Variants in NEK11 observed in about 807,000 individuals in gnomAD.
NEK11 encodes serine/threonine-protein kinase Nek11.
A neutral mutation model predicts 80.7 loss-of-function variants in NEK11; 72 were observed. The ratio of observed to expected loss-of-function variants is 0.89; its 90% confidence interval spans 0.74 to 1.08. NEK11 has a LOEUF of 1.08. Ranked by LOEUF, NEK11 falls within the 50% of genes least tolerant of loss-of-function variation. NEK11 has a pLI of 0.00. For synonymous variants in NEK11, 251 were observed against 260.7 expected (o/e 0.96, Z 0.36); for missense variants, 764 against 763.6 (o/e 1.00, Z -0.01).
At chr3:131,128,773 G>A (rs2149541617) in intron 5 of NEK11, among the ~76,000 whole-genome samples, 1 of 152,300 alleles carries the variant, frequency 6.6e-6, no homozygotes, top group East Asian at 1.9e-4. Flanking sequence ...ATTCCCACTA[G>A]CAGCGAATGA....
chr3:131,280,340 T>C (rs2096375806), intron 17 of NEK11, among the ~76,000 whole-genome samples: 1 of 152,180 alleles, frequency 6.6e-6, no homozygotes, highest in South Asian at 2.1e-4. Flanking sequence ...CTATTTGAAG[T>C]TGTCCCACAG....
At chr3:131,178,737 G>A (rs769381225) in intron 14 of NEK11, among the ~76,000 whole-genome samples, 3 of 152,154 alleles carry the variant, frequency 2.0e-5, no homozygotes, top group Non-Finnish European at 4.4e-5. Context: ...TAGTAAATAT[G>A]TAAAGTAGTA....
At chr3:131,071,552 T>C (rs879851607) in intron 3 of NEK11, among the ~76,000 whole-genome samples, 2 of 152,032 alleles carry the variant, frequency 1.3e-5, no homozygotes, top group Non-Finnish European at 2.9e-5. Context: ...GGAAGAAGGA[T>C]AACACTGGTG....
chr3:131,211,707 T>C (rs1048442344), intron 14 of NEK11, among the ~76,000 whole-genome samples: 1 of 152,222 alleles, frequency 6.6e-6, no homozygotes, highest in Non-Finnish European at 1.5e-5. Flanking sequence ...TCTTGCTTCA[T>C]TTCACTCATT....
chr3:131,313,959 A>C (rs2096807750), intron 17 of NEK11, among the ~76,000 whole-genome samples: 1 of 152,184 alleles, frequency 6.6e-6, no homozygotes, highest in Admixed American at 6.5e-5. Flanking sequence ...TTTTCAGTAC[A>C]ATATATTGGG....
intron 3 of NEK11, among the ~76,000 whole-genome samples, chr3:131,073,139 C>A (rs1398033608): frequency 1.3e-5 from 2 of 152,158 alleles, no homozygotes; most frequent in Non-Finnish European, 2.9e-5. Flanking sequence ...GCAGAGAACT[C>A]CAGGGAGCAC....
At chr3:131,073,597 T>C (rs1267269930) in intron 3 of NEK11, among the ~76,000 whole-genome samples, 2 of 152,222 alleles carry the variant, frequency 1.3e-5, no homozygotes, top group East Asian at 3.8e-4. Flanking sequence ...AATTTATCTA[T>C]AGGTTGTAAT....
At position 131,184,025 on chromosome 3, in the gene NEK11, A is replaced by G. The variant is rs1349701892; in HGVS notation, c.1399+13138A>G. ...AACTCCACGATTCTTTGGTGCCATCATGATGTCATTCGATGCCTCGCCTCT... is the reference window on the plus strand; with the variant it reads ...AACTCCACGATTCTTTGGTGCCATCGTGATGTCATTCGATGCCTCGCCTCT... On this transcript the variant is annotated intron_variant, in intron 14 of 17. Coordinates refer to ENST00000383366, the MANE Select transcript of NEK11 (RefSeq NM_024800.5). 3.3e-5 allele frequency among the ~76,000 whole-genome samples: 5 copies of G among 152,174 alleles called. No homozygotes were observed. In the East Asian group the frequency reaches 9.6e-4, roughly 29 times the overall value.
chr3:131,274,484 T>C (rs907886370), intron 17 of NEK11, among the ~76,000 whole-genome samples: 2 of 151,540 alleles, frequency 1.3e-5, no homozygotes, highest in African/African-American at 2.4e-5. Context: ...AGTAGTGGGA[T>C]GGCTGGGTCA....
At chr3:131,296,305 T>G (rs1056204145) in intron 17 of NEK11, among the ~76,000 whole-genome samples, 2 of 152,106 alleles carry the variant, frequency 1.3e-5, no homozygotes, top group African/African-American at 4.8e-5. Flanking sequence ...CATGCACACA[T>G]AAGCATACAT....
At chr3:131,033,442 C>A (rs991530636) in intron 3 of NEK11, among the ~76,000 whole-genome samples, 2 of 152,118 alleles carry the variant, frequency 1.3e-5, no homozygotes, top group African/African-American at 4.8e-5. Flanking sequence ...TGCAGATACA[C>A]CCTTAACTTT....
chr3:131,074,802 T>G (rs766693676), intron 3 of NEK11, among the ~76,000 whole-genome samples: 8 of 152,202 alleles, frequency 5.3e-5, no homozygotes, highest in Non-Finnish European at 1.2e-4. Flanking sequence ...AAAGAAAGGT[T>G]AGGAATCCTA....
chr3:131,139,376 A>G (rs952519897), intron 7 of NEK11, among the ~76,000 whole-genome samples: 10 of 149,304 alleles, frequency 6.7e-5, no homozygotes, highest in African/African-American at 2.4e-4. Context: ...AAAAGAATGG[A>G]GCACACCTCC....
chr3:131,110,440 G>A (rs567107843), intron 5 of NEK11, among the ~76,000 whole-genome samples: 1 of 152,096 alleles, frequency 6.6e-6, no homozygotes, highest in African/African-American at 2.4e-5. Flanking sequence ...TTGATATGAA[G>A]TATCTCATAA....
At chr3:131,283,199 G>C (rs901402295) in intron 17 of NEK11, among the ~76,000 whole-genome samples, 1 of 152,190 alleles carries the variant, frequency 6.6e-6, no homozygotes, top group East Asian at 1.9e-4. Flanking sequence ...AACAGTGGGA[G>C]CTGAGTGATG....
At chr3:131,327,640 T>C (rs563021845) in intron 17 of NEK11, 1 of 151,936 alleles carries the variant, frequency 6.6e-6, no homozygotes, top group Admixed American at 6.6e-5. Flanking sequence ...TCTCCATTTA[T>C]ACTCTTGCCG....
chr3:131,152,254 C>A (rs1453323712), intron 7 of NEK11, 134 bp from the exon 8 acceptor site: 3 of 635,316 alleles, frequency 4.7e-6, no homozygotes, highest in East Asian at 2.8e-5. Flanking sequence ...TATGAAACTG[C>A]AGTTTTAAGT....
chr3:131,141,589 T>C (rs181090742), intron 7 of NEK11, among the ~76,000 whole-genome samples: 1 of 152,348 alleles, frequency 6.6e-6, no homozygotes, highest in East Asian at 1.9e-4. Flanking sequence ...GTTTATTTAA[T>C]GCCAAAATTT....
At chr3:131,117,382 T>G (rs1257303368) in intron 5 of NEK11, among the ~76,000 whole-genome samples, 1 of 152,246 alleles carries the variant, frequency 6.6e-6, no homozygotes. Flanking sequence ...ACTGTAGCCT[T>G]GTAGTATAGT....
Sources: allele counts gnomAD v4.1 joint callset (sites outside exome capture counted in the v4.1 genomes callset), GRCh38; gene constraint gnomAD v4.1.1; transcripts MANE v1.5; gene names NCBI Gene and HGNC (gene_info 2026-07-23, HGNC 2026-07-21).